Variants in SYT2 observed in about 807,000 individuals in gnomAD.
SYT2 encodes synaptotagmin-2.
In SYT2, 15 loss-of-function variants were observed where a neutral mutation model predicts 39.9. That is an observed-to-expected ratio of 0.38 (90% CI 0.25 to 0.58). The LOEUF (loss-of-function observed/expected upper bound fraction) is 0.58, where lower values mean the gene tolerates loss of function less well. Ranked by LOEUF, SYT2 falls within the 20% of genes least tolerant of loss-of-function variation. SYT2 has a pLI of 0.70. For missense variants in SYT2, 389 were observed against 530.3 expected (o/e 0.73, Z 2.62); for synonymous variants, 181 against 204.5 (o/e 0.89, Z 0.98).
chr1:202,667,835 C>T (rs1251764114), intron 1 of SYT2, among the ~76,000 whole-genome samples: 4 of 152,078 alleles, frequency 2.6e-5, no homozygotes, highest in Non-Finnish European at 5.9e-5. Context: ...GCCTCAGCCT[C>T]CTGAGTAGCT....
At chr1:202,656,985 T>C (rs530679187) in intron 1 of SYT2, among the ~76,000 whole-genome samples, 2 of 152,338 alleles carry the variant, frequency 1.3e-5, no homozygotes, top group African/African-American at 2.4e-5. Flanking sequence ...CTGGGTGCCT[T>C]TGTCTAATCC....
chr1:202,666,526 A>G (rs1692484565), intron 1 of SYT2, among the ~76,000 whole-genome samples: 1 of 152,214 alleles, frequency 6.6e-6, no homozygotes, highest in South Asian at 2.1e-4. Context: ...GGAGAAGAGA[A>G]CAATCTCTCC....
At chr1:202,662,049 T>C (rs1356648255) in intron 1 of SYT2, among the ~76,000 whole-genome samples, 1 of 152,096 alleles carries the variant, frequency 6.6e-6, no homozygotes, top group African/African-American at 2.4e-5. Flanking sequence ...GTACAACGTA[T>C]GATGATCAGT....
In SYT2 at chr1:202,602,509, C is replaced by G. The variant is rs200601857; in HGVS notation, c.502G>C (p.Ala168Pro). Residue 168 changes from alanine (A) to proline (P), a missense_variant, in exon 5 of 9, where the codon GCC becomes CCC. This residue lies in a region of SYT2 where 280 missense variants were observed against 335.6 expected (regional missense o/e 0.83). Transcript: ENST00000367268. ...VGVLQAAELP[A>P]LDMGGTSDPY... ...TCTGAGGTGCCTCCCATGTCCAGGG[C>G]AGGCAGTTCAGCAGCCTGCAGAACG... is the stretch of plus-strand genomic sequence containing the variant. 5 of 1,613,704 alleles carry G rather than the reference C, an allele frequency of 3.1e-6. No homozygotes were observed. Among genetic ancestry groups the G allele is most frequent in the South Asian group, 2.2e-5 (2 of 91,064 alleles).
chr1:202,704,811 G>A (rs190211072), intron 1 of SYT2, among the ~76,000 whole-genome samples: 4 of 152,292 alleles, frequency 2.6e-5, no homozygotes, highest in African/African-American at 7.2e-5. Context: ...TGGATTCAGC[G>A]GGGTGTCCCA....
intron 1 of SYT2, among the ~76,000 whole-genome samples, chr1:202,654,833 C>A (rs1244562977): frequency 1.3e-5 from 2 of 152,158 alleles, no homozygotes; most frequent in Non-Finnish European, 2.9e-5. Context: ...AAGTGTATTC[C>A]AGGCAGAATG....
rs182131677 is a variant in SYT2, at chr1:202,648,197, T to C, written c.-17-42408A>G. On this transcript the variant is annotated intron_variant, in intron 1 of 8. Coordinates refer to ENST00000367268, the MANE Select transcript of SYT2 (RefSeq NM_177402.5). ...GTTAGCTGTTTTGTTTGTCTGCTTA[T>C]TTGTTTTGAGGCAGAGTCTCGCTCT... is the stretch of plus-strand genomic sequence containing the variant. Among the ~76,000 whole-genome samples the C allele has an allele frequency of 5.4e-3, 826 of 152,356 alleles. 22 individuals are homozygous for C. Among genetic ancestry groups the C allele is most frequent in the Admixed American group, 0.049 (756 of 15,308 alleles).
intron 1 of SYT2, among the ~76,000 whole-genome samples, chr1:202,613,602 A>G (rs1000978942): frequency 6.6e-6 from 1 of 152,080 alleles, no homozygotes; most frequent in African/African-American, 2.4e-5. Context: ...AAATCTTTCA[A>G]TCTTTCTTCA....
chr1:202,650,783 G>A (rs898111943), intron 1 of SYT2, among the ~76,000 whole-genome samples: 8 of 152,150 alleles, frequency 5.3e-5, no homozygotes, highest in African/African-American at 1.7e-4. Flanking sequence ...CCGTGGAGCC[G>A]GAGCCCTTGG....
intron 1 of SYT2, among the ~76,000 whole-genome samples, chr1:202,640,730 T>G: frequency 4.8e-5 from 6 of 124,766 alleles, no homozygotes; most frequent in East Asian, 2.3e-4. Flanking sequence ...ATGGTCCTAA[T>G]GGTCAGAGAG....
intron 1 of SYT2, among the ~76,000 whole-genome samples, chr1:202,689,332 T>A (rs1436128145): frequency 6.6e-6 from 1 of 152,112 alleles, no homozygotes; most frequent in Admixed American, 6.5e-5. Flanking sequence ...GATATTCCCA[T>A]AACCCATCCC....
At chr1:202,678,587 C>A (rs1653443371) in intron 1 of SYT2, among the ~76,000 whole-genome samples, 1 of 152,130 alleles carries the variant, frequency 6.6e-6, no homozygotes. Flanking sequence ...TATTCAGTCT[C>A]TTTCTCTGGG....
intron 1 of SYT2, among the ~76,000 whole-genome samples, chr1:202,671,958 T>C (rs1162950368): frequency 2.0e-5 from 3 of 152,078 alleles, no homozygotes; most frequent in Admixed American, 2.0e-4. Flanking sequence ...TACTACATAA[T>C]TAAAGGAACT....
chr1:202,654,842 T>C (rs1384375287), intron 1 of SYT2, among the ~76,000 whole-genome samples: 1 of 152,164 alleles, frequency 6.6e-6, no homozygotes, highest in Non-Finnish European at 1.5e-5. Context: ...CCAGGCAGAA[T>C]GACCAGCTTC....
intron 1 of SYT2, among the ~76,000 whole-genome samples, chr1:202,612,352 A>G (rs542020558): frequency 2.5e-4 from 38 of 152,004 alleles, no homozygotes; most frequent in South Asian, 2.1e-3. Context: ...AAGTTTTGAA[A>G]TCAGGCAGAA....
At chr1:202,678,072 A>G (rs1483509537) in intron 1 of SYT2, among the ~76,000 whole-genome samples, 1 of 152,126 alleles carries the variant, frequency 6.6e-6, no homozygotes, top group Non-Finnish European at 1.5e-5. Context: ...TCAGGAGTTC[A>G]AGACCAGCCT....
At chr1:202,675,323 TAC>T (rs1173863388) in intron 1 of SYT2, among the ~76,000 whole-genome samples, 1 of 151,234 alleles carries the variant, frequency 6.6e-6, no homozygotes, top group Admixed American at 6.6e-5. Context: ...TCATTGAGCT[TAC>T]AGTCTTGTGG....
At chr1:202,685,565 A>C (rs895204782) in intron 1 of SYT2, among the ~76,000 whole-genome samples, 1 of 152,066 alleles carries the variant, frequency 6.6e-6, no homozygotes. Flanking sequence ...TTCCCAGGTA[A>C]TTCACCGCAT....
chr1:202,657,632 G>A (rs939996744), intron 1 of SYT2, among the ~76,000 whole-genome samples: 2 of 152,064 alleles, frequency 1.3e-5, no homozygotes, highest in Non-Finnish European at 2.9e-5. Flanking sequence ...CTCCTGGGGT[G>A]AGAGATGTAA....
Sources: allele counts gnomAD v4.1 joint callset (sites outside exome capture counted in the v4.1 genomes callset), GRCh38; gene constraint gnomAD v4.1.1; regional missense constraint gnomAD v4.1.1; transcripts MANE v1.5; gene names NCBI Gene and HGNC (gene_info 2026-07-23, HGNC 2026-07-21).